KCNMA1: variants seen among roughly 807,000 people sequenced by gnomAD.
The protein encoded by KCNMA1 is potassium calcium-activated channel subfamily M alpha 1.
In KCNMA1, 29 loss-of-function variants were observed where a neutral mutation model predicts 140.0. The observed-to-expected ratio is 0.21, with a 90% confidence interval of 0.15 to 0.28. The LOEUF (loss-of-function observed/expected upper bound fraction) is 0.28. Ranked by LOEUF, KCNMA1 falls within the 10% of genes least tolerant of loss-of-function variation. The pLI, the probability that KCNMA1 is intolerant of heterozygous loss-of-function variation, is 1.00. For missense variants in KCNMA1, 880 were observed against 1,602.2 expected, an observed-to-expected ratio of 0.55 and a Z score of 7.70; for synonymous variants, 612 against 611.9, an observed-to-expected ratio of 1.00 and a Z score of 0.00.
At chr10:77,521,241 G>T (rs2053284207) in intron 1 of KCNMA1, among the ~76,000 whole-genome samples, 1 of 152,172 alleles carries the variant, frequency 6.6e-6, no homozygotes, top group Non-Finnish European at 1.5e-5. Flanking sequence ...AGGACAGGGG[G>T]ACACCTTTGT....
chr10:77,595,672 G>A (rs1000180659), intron 1 of KCNMA1, among the ~76,000 whole-genome samples: 1 of 152,036 alleles, frequency 6.6e-6, no homozygotes, highest in Non-Finnish European at 1.5e-5. Flanking sequence ...TTTTTGTTTT[G>A]TTTTGTTTTT....
intron 1 of KCNMA1, among the ~76,000 whole-genome samples, chr10:77,404,375 T>C (rs2096393605): frequency 2.6e-5 from 4 of 152,156 alleles, no homozygotes; most frequent in Admixed American, 2.6e-4. Flanking sequence ...ACCCACCAGG[T>C]GCAAGCAATT....
At chr10:77,312,133 T>C (rs769090760) in intron 2 of KCNMA1, among the ~76,000 whole-genome samples, 1 of 152,126 alleles carries the variant, frequency 6.6e-6, no homozygotes, top group Non-Finnish European at 1.5e-5. Context: ...TGAAGAGTGC[T>C]AGGGTGAGGT....
At chr10:77,004,062 TAAG>T (rs1050884248) in intron 18 of KCNMA1, among the ~76,000 whole-genome samples, 1 of 152,272 alleles carries the variant, frequency 6.6e-6, no homozygotes, top group African/African-American at 2.4e-5. Flanking sequence ...CCATGTGCTA[TAAG>T]AAGATTAACT....
At chr10:76,934,322 G>T (rs1469738427) in intron 23 of KCNMA1, among the ~76,000 whole-genome samples, 2 of 152,176 alleles carry the variant, frequency 1.3e-5, no homozygotes, top group African/African-American at 4.8e-5. Flanking sequence ...TTTCGCTCTT[G>T]TTGCTTTTAA....
chr10:77,586,584 C>T (rs762602552), intron 1 of KCNMA1: 2 of 152,102 alleles, frequency 1.3e-5, no homozygotes, highest in Non-Finnish European at 2.9e-5. Flanking sequence ...TTAAATTAAG[C>T]AATAAGACTC....
chr10:77,077,070 G>A (rs1488169201), intron 13 of KCNMA1, among the ~76,000 whole-genome samples: 1 of 152,156 alleles, frequency 6.6e-6, no homozygotes, highest in Non-Finnish European at 1.5e-5. Flanking sequence ...AAGGGAAGAG[G>A]AAGAAAATGT....
At chr10:77,251,059 C>A in intron 3 of KCNMA1, 136 bp downstream of exon 3, 1 of 742,204 alleles carries the variant, frequency 1.3e-6, no homozygotes, top group South Asian at 1.5e-5. Flanking sequence ...CAGTACAGTA[C>A]AGCACTAGCT....
intron 1 of KCNMA1, among the ~76,000 whole-genome samples, chr10:77,604,503 A>G (rs1394856480): frequency 6.6e-6 from 1 of 152,026 alleles, no homozygotes; most frequent in East Asian, 1.9e-4. Flanking sequence ...CCAGCAGTTC[A>G]AGACCAGCCT....
At chr10:77,586,096 C>A (rs1567709633) in intron 1 of KCNMA1, among the ~76,000 whole-genome samples, 1 of 152,186 alleles carries the variant, frequency 6.6e-6, no homozygotes, top group Non-Finnish European at 1.5e-5. Context: ...AATAAAGGGT[C>A]CCAATGTTTA....
In KCNMA1 at chr10:77,460,951, C is replaced by A. The variant is rs149864280; in HGVS notation, c.379-56928G>T. On this transcript the variant is annotated intron_variant, in intron 1 of 27. Transcript: ENST00000286628. ...TGAAACCCCATCTCTACTAAAAATACAAAAATTAGCTGGGCGTGGTGGCAT... is the reference window on the plus strand; with the variant it reads ...TGAAACCCCATCTCTACTAAAAATAAAAAAATTAGCTGGGCGTGGTGGCAT... Among the ~76,000 whole-genome samples, 291 of 152,150 alleles carry A rather than the reference C, an allele frequency of 1.9e-3. 2 individuals carry two copies. Among genetic ancestry groups the A allele is most frequent in the East Asian group, 0.018 (95 of 5,172 alleles).
At chr10:77,402,075 T>C (rs190437510) in intron 2 of KCNMA1, among the ~76,000 whole-genome samples, 60 of 152,328 alleles carry the variant, frequency 3.9e-4, no homozygotes, top group Admixed American at 6.5e-4. Context: ...AGTGTCACAT[T>C]TGTGCAGCTA....
At chr10:77,575,105 G>A (rs2073569932) in intron 1 of KCNMA1, among the ~76,000 whole-genome samples, 1 of 152,070 alleles carries the variant, frequency 6.6e-6, no homozygotes, top group Admixed American at 6.6e-5. Flanking sequence ...CATAGCAAAG[G>A]GATTACTTTG....
intron 12 of KCNMA1, among the ~76,000 whole-genome samples, chr10:77,082,007 C>CTTTTTTTTTTTTTTTTT (rs201288668): frequency 1.2e-4 from 4 of 32,512 alleles, no homozygotes; most frequent in South Asian, 9.7e-4. Context: ...TTTTTCTTTT[C>CTTTTTTTTTTTTTTTTT]TTTTTTTTTT....
chr10:77,324,668 T>G (rs2083356163), intron 2 of KCNMA1, among the ~76,000 whole-genome samples: 1 of 152,162 alleles, frequency 6.6e-6, no homozygotes, highest in African/African-American at 2.4e-5. Flanking sequence ...CCAGAGTAGC[T>G]GGGTGCCACC....
rs563394398 is a variant in KCNMA1 at position 77,621,748 on chromosome 10, C to T, written c.378+15517G>A. 2.7e-4 allele frequency among the ~76,000 whole-genome samples: 41 copies of T among 152,146 alleles called. No individual in the cohort carries two copies. The South Asian group carries it at 3.3e-3, about 12-fold the overall frequency. On this transcript the variant is annotated intron_variant, in intron 1 of 27. Transcript: ENST00000286628. ...TTAGAGACCAGCCTGGGCAACATGGCGAAACTCCATCTCCACCAAAAATAC... is the reference window on the plus strand; with the variant it reads ...TTAGAGACCAGCCTGGGCAACATGGTGAAACTCCATCTCCACCAAAAATAC...
intron 18 of KCNMA1, among the ~76,000 whole-genome samples, chr10:77,011,345 C>T (rs962331006): frequency 3.3e-5 from 5 of 152,136 alleles, no homozygotes; most frequent in African/African-American, 1.2e-4. Context: ...ACAGAATATG[C>T]CAGAAACAAC....
intron 1 of KCNMA1, among the ~76,000 whole-genome samples, chr10:77,500,195 A>T (rs2043368779): frequency 6.6e-6 from 1 of 150,514 alleles, no homozygotes; most frequent in South Asian, 2.2e-4. Context: ...GCCAAAACAT[A>T]TTAGTTATTA....
At chr10:77,619,637 A>G (rs2154569397) in intron 1 of KCNMA1, among the ~76,000 whole-genome samples, 1 of 152,264 alleles carries the variant, frequency 6.6e-6, no homozygotes, top group Non-Finnish European at 1.5e-5. Flanking sequence ...ACCCCTGGTC[A>G]CTGCCCTCTA....
Sources: gnomAD v4.1 joint callset for allele counts (sites outside exome capture counted in the v4.1 genomes callset) on GRCh38, gnomAD v4.1.1 for gene constraint, MANE v1.5 for transcripts, NCBI Gene and HGNC (gene_info 2026-07-23, HGNC 2026-07-21) for gene names.